CFAP61: variants seen among roughly 807,000 people sequenced by gnomAD.
CFAP61 encodes cilia and flagella associated protein 61.
In CFAP61, 107 loss-of-function variants were observed where a neutral mutation model predicts 135.6. That is an observed-to-expected ratio of 0.79 (90% CI 0.67 to 0.93). CFAP61 has a LOEUF of 0.93. Ranked by LOEUF, CFAP61 falls within the 40% of genes least tolerant of loss-of-function variation. CFAP61 has a pLI of 0.00. For synonymous variants in CFAP61, 575 were observed against 578.5 expected (o/e 0.99, Z 0.09); for missense variants, 1,507 against 1,556.2 (o/e 0.97, Z 0.53).
chr20:20,315,226 A>T (rs1414801149), intron 25 of CFAP61, among the ~76,000 whole-genome samples: 6 of 151,936 alleles, frequency 3.9e-5, no homozygotes, highest in Admixed American at 2.0e-4. Context: ...AATGACTGCC[A>T]TTCTAACTGG....
chr20:20,292,231 C>A (rs2055042637), intron 24 of CFAP61, among the ~76,000 whole-genome samples: 1 of 152,138 alleles, frequency 6.6e-6, no homozygotes, highest in East Asian at 1.9e-4. Context: ...AACAGGTAGC[C>A]AGTAAGTGGT....
Position 20,288,803 on chromosome 20 carries a change from C to G in CFAP61, c.2991C>G (p.Phe997Leu). ...CAAATGAGTGGACTCACAGCAACTT[C>G]AGTTCCAAAGAAATTGGCTTTCAGC... Reference protein sequence around the residue: ...YYSNEWTHSNFSSKEIGFQLA... With the variant: ...YYSNEWTHSNLSSKEIGFQLA... Residue 997 changes from phenylalanine to leucine, a missense_variant, in exon 23 of 27, where the codon TTC (phenylalanine) becomes TTG (leucine). Transcript: ENST00000245957. 1 of 1,614,224 alleles carries G rather than the reference C, an allele frequency of 6.2e-7. No individual in the cohort carries two copies. The highest frequency in any genetic ancestry group is 8.5e-7 in the Non-Finnish European group (1 of 1,180,036).
At chr20:20,185,863 T>G (rs758731185) in intron 13 of CFAP61, among the ~76,000 whole-genome samples, 1 of 152,206 alleles carries the variant, frequency 6.6e-6, no homozygotes, top group Non-Finnish European at 1.5e-5. Flanking sequence ...GAACTTTTAT[T>G]ATCAAATAAA....
chr20:20,209,003 CT>C (rs11477810), intron 17 of CFAP61, among the ~76,000 whole-genome samples: 3,646 of 152,322 alleles, frequency 0.024, 63 homozygotes, highest in Non-Finnish European at 0.032. Flanking sequence ...AAAAAAGCCC[CT>C]TCTGCATGTA....
intron 26 of CFAP61, among the ~76,000 whole-genome samples, chr20:20,357,057 AGGG>A (rs2059226796): frequency 9.8e-6 from 1 of 102,476 alleles, no homozygotes; most frequent in African/African-American, 3.7e-5. Flanking sequence ...GGTCACACTG[AGGG>A]GAAGTGGTCA....
At chr20:20,316,808 G>A (rs1229170660) in intron 25 of CFAP61, 3 of 148,770 alleles carry the variant, frequency 2.0e-5, no homozygotes, top group South Asian at 2.2e-4. Context: ...CTTGAACCCA[G>A]GAGGCAGAGT....
intron 2 of CFAP61, among the ~76,000 whole-genome samples, chr20:20,058,924 A>G (rs969898562): frequency 3.9e-5 from 6 of 152,208 alleles, no homozygotes; most frequent in African/African-American, 1.2e-4. Context: ...AGAATCAACA[A>G]GAGAAATTAT....
chr20:20,309,969 G>A (rs1260356546), intron 25 of CFAP61, among the ~76,000 whole-genome samples: 2 of 152,106 alleles, frequency 1.3e-5, no homozygotes, highest in South Asian at 2.1e-4. Context: ...ACAGCTTGGA[G>A]GGGTCAACCT....
chr20:20,082,645 T>C (rs2046510891), intron 6 of CFAP61, among the ~76,000 whole-genome samples: 1 of 152,220 alleles, frequency 6.6e-6, no homozygotes. Flanking sequence ...TTTCAAACAA[T>C]GTTGTGAAAT....
intron 20 of CFAP61, among the ~76,000 whole-genome samples, chr20:20,255,209 A>C (rs961219588): frequency 1.3e-5 from 2 of 151,728 alleles, no homozygotes. Flanking sequence ...TGGCAAACAC[A>C]CTCTGGTTTT....
chr20:20,292,268 CA>C (rs1310436919), intron 24 of CFAP61, among the ~76,000 whole-genome samples: 1 of 152,180 alleles, frequency 6.6e-6, no homozygotes, highest in Non-Finnish European at 1.5e-5. Flanking sequence ...ATCATTATTC[CA>C]GATAAATAAT....
intron 2 of CFAP61, chr20:20,069,693 G>A (rs1333655524): frequency 6.6e-6 from 3 of 453,442 alleles, no homozygotes; most frequent in African/African-American, 4.0e-5. Flanking sequence ...TCAATGGAAG[G>A]TGGGATTAAA....
chr20:20,100,260 C>T (rs1186500568), intron 8 of CFAP61, among the ~76,000 whole-genome samples: 2 of 151,802 alleles, frequency 1.3e-5, no homozygotes, highest in African/African-American at 4.8e-5. Context: ...GCAACCTCTG[C>T]CTCCAGGGTT....
chr20:20,247,406 A>G (rs1401633340), intron 19 of CFAP61, among the ~76,000 whole-genome samples: 1 of 152,222 alleles, frequency 6.6e-6, no homozygotes, highest in African/African-American at 2.4e-5. Context: ...GGTGGAAGCC[A>G]CTGGCGTCCC....
At chr20:20,252,552 T>G (rs954548247) in intron 20 of CFAP61, among the ~76,000 whole-genome samples, 1 of 151,778 alleles carries the variant, frequency 6.6e-6, no homozygotes, top group Non-Finnish European at 1.5e-5. Context: ...CTTTTTTTTT[T>G]GCAGTTTTTT....
intron 25 of CFAP61, among the ~76,000 whole-genome samples, chr20:20,321,787 T>C (rs545677100): frequency 3.3e-5 from 5 of 152,330 alleles, no homozygotes; most frequent in African/African-American, 1.2e-4. Context: ...AAACTATGAC[T>C]GCAAACCATT....
intron 17 of CFAP61, among the ~76,000 whole-genome samples, chr20:20,226,504 C>T (rs994685674): frequency 6.6e-6 from 1 of 152,284 alleles, no homozygotes; most frequent in South Asian, 2.1e-4. Context: ...CCTATTGTGG[C>T]AATATCTGAC....
At chr20:20,209,904 A>C (rs562764500) in intron 17 of CFAP61, among the ~76,000 whole-genome samples, 2 of 152,056 alleles carry the variant, frequency 1.3e-5, no homozygotes, top group Admixed American at 1.3e-4. Context: ...CCTCAGGCAA[A>C]GTCACCCCTT....
intron 25 of CFAP61, among the ~76,000 whole-genome samples, chr20:20,307,012 CAAAG>C (rs2056515370): frequency 6.6e-6 from 1 of 152,134 alleles, no homozygotes; most frequent in South Asian, 2.1e-4. Flanking sequence ...TTTACAAAAA[CAAAG>C]AAATACCTTA....
Sources: allele counts gnomAD v4.1 joint callset (sites outside exome capture counted in the v4.1 genomes callset), GRCh38; gene constraint gnomAD v4.1.1; transcripts MANE v1.5; gene names NCBI Gene and HGNC (gene_info 2026-07-23, HGNC 2026-07-21).